The following AP4E1 variants were observed in gnomAD, a reference collection of about 807,000 sequenced individuals.
AP4E1 encodes adaptor related protein complex 4 subunit epsilon 1, also known as AP-4 complex subunit epsilon-1.
A neutral mutation model predicts 128.2 loss-of-function variants in AP4E1; 56 were observed. The ratio of observed to expected loss-of-function variants is 0.44; its 90% CI spans 0.35 to 0.55. The LOEUF is 0.55. AP4E1 is among the 20% of genes least tolerant of loss of function. The pLI, the probability that AP4E1 is intolerant of heterozygous loss-of-function variation, is 0.00. For synonymous variants in AP4E1, 484 were observed against 473.1 expected, an observed-to-expected ratio of 1.02 and a Z score of -0.30; for missense variants, 1,324 against 1,307.7, an observed-to-expected ratio of 1.01 and a Z score of -0.19.
At chr15:50,910,547 A>G (rs1263885550) in intron 1 of AP4E1, among the ~76,000 whole-genome samples, 2 of 152,252 alleles carry the variant, frequency 1.3e-5, no homozygotes, top group East Asian at 3.8e-4. Flanking sequence ...GACAGAAAAG[A>G]AAGTGCTCTG....
At chr15:50,923,104 G>A (rs1265357997) in intron 3 of AP4E1, among the ~76,000 whole-genome samples, 1 of 152,138 alleles carries the variant, frequency 6.6e-6, no homozygotes. Flanking sequence ...GGGATAAAAA[G>A]GCCTATCTCA....
chr15:50,950,812 C>T (rs1335874210), intron 13 of AP4E1, among the ~76,000 whole-genome samples: 1 of 152,070 alleles, frequency 6.6e-6, no homozygotes, highest in Non-Finnish European at 1.5e-5. Flanking sequence ...TGTTGTTCCC[C>T]TCCGTGTGTC....
chr15:50,939,362 A>G (rs1200859269), intron 8 of AP4E1, among the ~76,000 whole-genome samples: 2 of 152,020 alleles, frequency 1.3e-5, no homozygotes, highest in Non-Finnish European at 2.9e-5. Flanking sequence ...ACTGCCAGCT[A>G]CTTGGGAGGC....
chr15:50,939,339 G>A (rs540701395), intron 8 of AP4E1, among the ~76,000 whole-genome samples: 2 of 152,076 alleles, frequency 1.3e-5, no homozygotes, highest in East Asian at 3.9e-4. Context: ...TGGCCATGAT[G>A]GTGCACGCTT....
At chr15:50,973,733 A>G (rs2064515036) in intron 15 of AP4E1, among the ~76,000 whole-genome samples, 1 of 152,162 alleles carries the variant, frequency 6.6e-6, no homozygotes, top group African/African-American at 2.4e-5. Flanking sequence ...ATGTTGTCGT[A>G]TATTGCAGAA....
chr15:50,999,225 G>A lies in AP4E1; in HGVS notation c.3058G>A (p.Glu1020Lys). Reference protein sequence around the residue: ...HMMDTHSAQLEFSVNLSLLDF... With the variant: ...HMMDTHSAQLKFSVNLSLLDF... ...GATGGATACTCATTCTGCTCAGCTG[G>A]AATTTTCTGTAAACTTATCACTATT... Residue 1020 changes from glutamate to lysine, a missense_variant, in exon 19 of 21, where the codon GAA (glutamate) becomes AAA (lysine). Coordinates refer to ENST00000261842, the MANE Select transcript of AP4E1 (RefSeq NM_007347.5). The A allele has an allele frequency of 6.2e-7, 1 of 1,612,310 alleles. No homozygotes were observed. The highest frequency in any genetic ancestry group is 8.5e-7 in the Non-Finnish European group (1 of 1,179,030).
intron 13 of AP4E1, among the ~76,000 whole-genome samples, chr15:50,954,215 T>A (rs891386586): frequency 1.4e-5 from 2 of 142,342 alleles, no homozygotes; most frequent in African/African-American, 5.0e-5. Context: ...TCTGTAGTTT[T>A]CATTTTTGTG....
intron 16 of AP4E1, among the ~76,000 whole-genome samples, chr15:50,984,436 T>C (rs1401444548): frequency 2.0e-5 from 3 of 151,748 alleles, no homozygotes; most frequent in African/African-American, 7.3e-5. Context: ...TAGGTATATC[T>C]CCTAATACTA....
chr15:50,986,008 G>C (rs201410784), intron 16 of AP4E1, among the ~76,000 whole-genome samples: 309 of 152,202 alleles, frequency 2.0e-3, no homozygotes, highest in East Asian at 8.7e-3. Context: ...TTGTAGTTCT[G>C]CTTGAAGAGG....
intron 10 of AP4E1, among the ~76,000 whole-genome samples, chr15:50,946,427 CTG>C (rs2064062927): frequency 6.6e-6 from 1 of 152,098 alleles, no homozygotes; most frequent in Non-Finnish European, 1.5e-5. Flanking sequence ...CTTTTTATAA[CTG>C]AATGTATTTC....
In AP4E1 at chr15:50,908,787, C is replaced by T; in HGVS notation, c.9C>T (p.Asp3=). 6.3e-7 allele frequency: 1 copy of T among 1,588,340 alleles called. No individual in the cohort carries two copies. The highest frequency in any genetic ancestry group is 8.6e-7 in the Non-Finnish European group (1 of 1,167,934). Residue 3 remains aspartate, a synonymous_variant, in exon 1 of 21, where the codon GAC becomes GAT. Coordinates refer to ENST00000261842, the MANE Select transcript of AP4E1 (RefSeq NM_007347.5). ...CGCGGGCGGCGGCGGCGATGAGCGA[C>T]ATAGTGGAGAAGACGCTGACGGCGC... MS[D]IVEKTLTALP... is the part of the protein sequence containing the mutation.
intron 3 of AP4E1, chr15:50,917,923 AATCCC>A (rs1359774619): frequency 1.3e-5 from 2 of 152,406 alleles, no homozygotes; most frequent in South Asian, 2.1e-4. Flanking sequence ...AACATAGTGA[AATCCC>A]ATCTCTACAA....
intron 8 of AP4E1, 69 bp from the exon 9 acceptor site, chr15:50,941,373 T>A: frequency 6.5e-7 from 1 of 1,543,240 alleles, no homozygotes; most frequent in South Asian, 1.1e-5. Flanking sequence ...TTATTACAAG[T>A]TCTACACAAA....
intron 10 of AP4E1, among the ~76,000 whole-genome samples, chr15:50,942,395 C>G (rs2063999794): frequency 6.6e-6 from 1 of 151,960 alleles, no homozygotes; most frequent in Non-Finnish European, 1.5e-5. Context: ...CCCAGGTCTT[C>G]CTATTAGTAC....
chr15:50,937,208 G>A (rs1482396771), intron 8 of AP4E1, among the ~76,000 whole-genome samples: 1 of 152,152 alleles, frequency 6.6e-6, no homozygotes, highest in African/African-American at 2.4e-5. Context: ...AGCTTCATAA[G>A]GGCAGGGACT....
rs919228764 is a variant in AP4E1, at chr15:51,002,983, G to A, written c.*321G>A. ...TTTGTTATAAATAATTTTATAGCAC[G>A]TTTACTCTAGTGCTAGCTAATTTGT... On this transcript the variant is annotated 3_prime_UTR_variant, in exon 21 of 21. Transcript: ENST00000261842. 8.1e-5 allele frequency: 20 copies of A among 247,550 alleles called. 1 individual carries two copies. The highest frequency in any genetic ancestry group is 6.1e-4 in the Admixed American group (12 of 19,534). 15.3% of individuals were successfully genotyped at this position (247,550 alleles called of 1,614,324 possible).
chr15:50,950,782 C>T (rs1176031911), intron 13 of AP4E1, among the ~76,000 whole-genome samples: 2 of 152,114 alleles, frequency 1.3e-5, no homozygotes, highest in African/African-American at 4.8e-5. Flanking sequence ...CCACCACCCT[C>T]CCTGATAGGC....
At position 50,997,720 on chromosome 15, in the gene AP4E1, T is replaced by TA. The variant is rs2064897814; in HGVS notation, c.2742dup (p.His915ThrfsTer9). The TA allele has an allele frequency of 6.2e-7, 1 of 1,614,020 alleles. No homozygotes were observed. The highest frequency in any genetic ancestry group is 8.5e-7 in the Non-Finnish European group (1 of 1,179,982). On this transcript the variant is annotated frameshift_variant, in exon 18 of 21. Coordinates refer to ENST00000261842, the MANE Select transcript of AP4E1 (RefSeq NM_007347.5). LOFTEE classifies it high-confidence loss of function. ...TTTTTGGAAGAAACTACTGAATACA[T>TA]ACACTCAAATGCTATGGAAGTCTGT... is the stretch of plus-strand genomic sequence containing the variant.
In AP4E1 at chr15:51,005,556, AG is replaced by A. The variant is rs2065008865; in HGVS notation, c.*2896del. On this transcript the variant is annotated 3_prime_UTR_variant, in exon 21 of 21. Coordinates refer to ENST00000261842, the MANE Select transcript of AP4E1 (RefSeq NM_007347.5). ...ACCAAGCACAGCATGTGTCCTGTAG[AG>A]GAGCATTATTTTAAACAATGTTCTA... 6.6e-6 allele frequency: 1 copy of A among 152,638 alleles called. No individual in the cohort carries two copies. The highest frequency in any genetic ancestry group is 2.4e-5 in the African/African-American group (1 of 41,474). The allele number at this position is 152,638 out of a possible 1,614,324, so 9.5% of individuals were successfully genotyped here.
Sources: allele counts gnomAD v4.1 joint callset (sites outside exome capture counted in the v4.1 genomes callset), GRCh38; gene constraint gnomAD v4.1.1; transcripts MANE v1.5; gene names NCBI Gene and HGNC (gene_info 2026-07-23, HGNC 2026-07-21).